Variants in KAT2B observed in about 807,000 individuals in gnomAD.
KAT2B encodes the protein histone acetyltransferase KAT2B.
KAT2B carries 36 observed loss-of-function variants against 105.9 expected under a neutral mutation model. That is an observed-to-expected ratio of 0.34 (90% CI 0.26 to 0.45). The LOEUF (loss-of-function observed/expected upper bound fraction) is 0.45, where lower values mean the gene tolerates loss of function less well. Ranked by LOEUF, KAT2B falls within the 20% of genes least tolerant of loss-of-function variation. The probability of loss-of-function intolerance (pLI) is 1.00; values close to 1 mark genes in which losing one functional copy is unlikely to be tolerated. For missense variants in KAT2B, 820 were observed against 1,021.6 expected, an observed-to-expected ratio of 0.80 and a Z score of 2.69; for synonymous variants, 397 against 377.9, an observed-to-expected ratio of 1.05 and a Z score of -0.59.
At chr3:20,059,158 A>G (rs1698052727) in intron 1 of KAT2B, among the ~76,000 whole-genome samples, 1 of 152,120 alleles carries the variant, frequency 6.6e-6, no homozygotes, top group Non-Finnish European at 1.5e-5. Flanking sequence ...CACACCTGTA[A>G]TCCCAGCACT....
At position 20,146,323 on chromosome 3, in the gene KAT2B, A is replaced by T; in HGVS notation, c.2012A>T (p.Lys671Ile). 1 of 1,595,340 alleles carries T rather than the reference A, an allele frequency of 6.3e-7. No homozygotes were observed. Among genetic ancestry groups the T allele is most frequent in the Non-Finnish European group, 8.6e-7 (1 of 1,163,230 alleles). Residue 671 changes from lysine (K) to isoleucine (I), a missense_variant, in exon 14 of 18, where the codon AAA becomes ATA. Around this residue, in one of 6 missense-constraint regions of KAT2B, gnomAD observed 227 missense variants for 292.9 expected, o/e 0.77. Coordinates refer to ENST00000263754, the MANE Select transcript of KAT2B (RefSeq NM_003884.5). The part of the protein sequence containing the change: ...VIIKKQKEII[K>I]KLIERKQAQI... Reference sequence around the variant, plus strand: ...CCTTCCTGTGCTTTACAGATAATTAAAAAACTGATTGAAAGAAAACAGGCA... The same window carrying T: ...CCTTCCTGTGCTTTACAGATAATTATAAAACTGATTGAAAGAAAACAGGCA...
intron 2 of KAT2B, among the ~76,000 whole-genome samples, chr3:20,073,720 A>AG (rs1491384195): frequency 1.6e-5 from 2 of 128,714 alleles, no homozygotes; most frequent in African/African-American, 6.2e-5. Flanking sequence ...TTTTAAAAAA[A>AG]TAAATAAATA....
chr3:20,059,051 C>T lies in KAT2B; in HGVS notation c.304-13282C>T, dbSNP rs528886880. 9.9e-5 allele frequency among the ~76,000 whole-genome samples: 15 copies of T among 152,260 alleles called. 1 individual carries two copies. The East Asian group carries it at 2.9e-3, about 29-fold the overall frequency. Reference sequence around the variant, plus strand: ...TCAGCATAATTCAAACTGCTCATTTCCAAAGAGAAAACTTCTGGCAATCCC... The same window carrying T: ...TCAGCATAATTCAAACTGCTCATTTTCAAAGAGAAAACTTCTGGCAATCCC... On this transcript the variant is annotated intron_variant, in intron 1 of 17. Transcript: ENST00000263754.
chr3:20,128,707 C>T (rs1409221053), intron 11 of KAT2B, among the ~76,000 whole-genome samples: 1 of 152,026 alleles, frequency 6.6e-6, no homozygotes, highest in Admixed American at 6.6e-5. Flanking sequence ...AAAACATGTC[C>T]TTAGAATGTT....
At chr3:20,104,353 C>T (rs1559314936) in intron 5 of KAT2B, among the ~76,000 whole-genome samples, 1 of 152,216 alleles carries the variant, frequency 6.6e-6, no homozygotes, top group African/African-American at 2.4e-5. Flanking sequence ...AGGTAGATGA[C>T]ACCAACCTCC....
chr3:20,058,556 C>T (rs1340585279), intron 1 of KAT2B, among the ~76,000 whole-genome samples: 1 of 151,988 alleles, frequency 6.6e-6, no homozygotes, highest in African/African-American at 2.4e-5. Context: ...ATCTCAATCC[C>T]AGGCAGTTTT....
chr3:20,148,061 C>A, intron 15 of KAT2B, 62 bp downstream of exon 15: 1 of 1,550,994 alleles, frequency 6.4e-7, no homozygotes, highest in Admixed American at 1.7e-5. Flanking sequence ...CACCAAGCAA[C>A]TTAAAGAAAA....
rs190390959 is a variant in KAT2B at position 20,082,322 on chromosome 3, A to G, written c.430+9863A>G. Among the ~76,000 whole-genome samples the G allele has an allele frequency of 5.7e-3, 863 of 152,276 alleles. 6 individuals are homozygous for G. Among genetic ancestry groups the G allele is most frequent in the Middle Eastern group, 0.024 (7 of 294 alleles). On this transcript the variant is annotated intron_variant, in intron 2 of 17. Coordinates refer to ENST00000263754, the MANE Select transcript of KAT2B (RefSeq NM_003884.5). ...AGTGTTGGGATTACAGGCTTGAGCC[A>G]CTGCACCCGGCCACGGTTTTCTCTT... is the stretch of plus-strand genomic sequence containing the variant.
intron 8 of KAT2B, among the ~76,000 whole-genome samples, chr3:20,122,413 A>G (rs532122029): frequency 1.9e-4 from 29 of 152,334 alleles, no homozygotes; most frequent in Admixed American, 1.5e-3. Flanking sequence ...ATGAAGGAAC[A>G]TGTGCCTTAA....
chr3:20,082,324 T>C (rs4420892), intron 2 of KAT2B, among the ~76,000 whole-genome samples: 70,682 of 151,948 alleles, frequency 0.47, 18,421 homozygotes, highest in African/African-American at 0.7. Flanking sequence ...CTTGAGCCAC[T>C]GCACCCGGCC....
At position 20,148,301 on chromosome 3, in the gene KAT2B, G is replaced by T; in HGVS notation, c.2215G>T (p.Val739Leu). ...YSTLKSILQQ[V>L]KSHQSAWPFM... ...CACGCTCAAGAGCATCCTCCAGCAG[G>T]TGAAGGTGGGTGTCCTCTTTATTCA... Residue 739 changes from valine to leucine, a missense_variant, in exon 16 of 18, where the codon GTG becomes TTG. By Grantham distance (32) the Val-to-Leu change is conservative (BLOSUM62 1). This residue lies in a region of KAT2B where 227 missense variants were observed against 292.9 expected (regional missense o/e 0.77). Transcript: ENST00000263754. 6.2e-7 allele frequency: 1 copy of T among 1,613,852 alleles called. No homozygotes were observed. The highest frequency in any genetic ancestry group is 8.5e-7 in the Non-Finnish European group (1 of 1,179,752).
intron 11 of KAT2B, among the ~76,000 whole-genome samples, chr3:20,130,184 A>G (rs1699484269): frequency 6.6e-6 from 1 of 152,170 alleles, no homozygotes; most frequent in African/African-American, 2.4e-5. Context: ...TATTCTCACA[A>G]AGCACAAGTG....
chr3:20,145,188 A>G (rs530923856), intron 13 of KAT2B, among the ~76,000 whole-genome samples: 1 of 152,372 alleles, frequency 6.6e-6, no homozygotes, highest in East Asian at 1.9e-4. Context: ...CATTTTAGAT[A>G]TAATGGGTTA....
At chr3:20,074,908 A>T (rs1698390414) in intron 2 of KAT2B, among the ~76,000 whole-genome samples, 1 of 152,182 alleles carries the variant, frequency 6.6e-6, no homozygotes, top group Non-Finnish European at 1.5e-5. Flanking sequence ...CAAATACAGG[A>T]TGCTGACTCA....
intron 9 of KAT2B, among the ~76,000 whole-genome samples, chr3:20,125,323 AAAG>A (rs1439976413): frequency 6.6e-6 from 1 of 151,666 alleles, no homozygotes; most frequent in East Asian, 1.9e-4. Context: ...AAAAAAAAAA[AAAG>A]AATATATACA....
At chr3:20,057,817 G>A (rs1008412349) in intron 1 of KAT2B, among the ~76,000 whole-genome samples, 4 of 152,148 alleles carry the variant, frequency 2.6e-5, no homozygotes, top group African/African-American at 9.7e-5. Flanking sequence ...AGCCATTCCA[G>A]CATCTTCAGA....
chr3:20,061,926 T>TTATATATAAAA (rs1247665699), intron 1 of KAT2B, among the ~76,000 whole-genome samples: 16,667 of 97,456 alleles, frequency 0.17, 2,862 homozygotes, highest in South Asian at 0.28. Flanking sequence ...GTATTATATA[T>TTATATATAAAA]CATATATAAA....
At chr3:20,069,496 C>A (rs1464226395) in intron 1 of KAT2B, among the ~76,000 whole-genome samples, 1 of 149,182 alleles carries the variant, frequency 6.7e-6, no homozygotes, top group Non-Finnish European at 1.5e-5. Flanking sequence ...TAGGGGAGGG[C>A]AGAGAGCTTT....
chr3:20,127,642 C>G, intron 11 of KAT2B, 93 bp downstream of exon 11: 1 of 1,221,872 alleles, frequency 8.2e-7, no homozygotes, highest in Non-Finnish European at 1.2e-6. Flanking sequence ...TGTGCCATGT[C>G]CAGAGAAGGT....
Sources: gnomAD v4.1 joint callset for allele counts (sites outside exome capture counted in the v4.1 genomes callset) on GRCh38, gnomAD v4.1.1 for gene constraint, gnomAD v4.1.1 regional missense constraint, MANE v1.5 for transcripts, NCBI Gene and HGNC (gene_info 2026-07-23, HGNC 2026-07-21) for gene names.